Variants in OTC observed in about 807,000 individuals in gnomAD.
OTC encodes ornithine transcarbamylase, mitochondrial.
OTC carries 3 observed loss-of-function variants against 30.3 expected under a neutral mutation model. The ratio of observed to expected loss-of-function variants is 0.10; its 90% confidence interval spans 0.05 to 0.26. OTC has a LOEUF of 0.26. Among genes scored for constraint, OTC ranks in the 10% least tolerant of loss-of-function variants. OTC has a pLI of 1.00. For synonymous variants in OTC, 111 were observed against 99.7 expected (o/e 1.11, Z -0.67); for missense variants, 194 against 260.3 (o/e 0.75, Z 1.75).
chrX:38,333,810 G>A, the OTC span, among the ~76,000 whole-genome samples: 1 of 112,637 alleles, frequency 8.9e-6, no homozygotes, highest in Non-Finnish European at 1.9e-5. Flanking sequence ...TATGGAATCA[G>A]ATAAACAGGT....
At chrX:38,405,622 T>G (rs1300187452) in intron 6 of OTC, among the ~76,000 whole-genome samples, 1 of 111,474 alleles carries the variant, frequency 9.0e-6, no homozygotes, top group Non-Finnish European at 1.9e-5. Flanking sequence ...AGAACACTAT[T>G]CAACCAAGTA....
chrX:38,376,691 T>C (rs2068349819), intron 3 of OTC, among the ~76,000 whole-genome samples: 1 of 112,043 alleles, frequency 8.9e-6, no homozygotes, highest in African/African-American at 3.2e-5. Flanking sequence ...GGAGTAGCTA[T>C]ACTTATATCA....
intron 4 of OTC, among the ~76,000 whole-genome samples, chrX:38,382,182 C>T (rs1006855329): frequency 9.0e-6 from 1 of 111,614 alleles, no homozygotes; most frequent in African/African-American, 3.3e-5. Context: ...ACTTATATTT[C>T]ATTAGGAAGT....
At chrX:38,416,722 T>C (rs1288504351) in intron 9 of OTC, among the ~76,000 whole-genome samples, 2 of 112,401 alleles carry the variant, frequency 1.8e-5, no homozygotes, top group Non-Finnish European at 3.8e-5. Flanking sequence ...GTAAAATATA[T>C]ATTTGTTGTT....
At chrX:38,417,231 A>G (rs892170637) in intron 9 of OTC, among the ~76,000 whole-genome samples, 8 of 111,833 alleles carry the variant, frequency 7.2e-5, no homozygotes, top group African/African-American at 2.3e-4. Flanking sequence ...ATATGGACTC[A>G]ATACATTTTT....
At chrX:38,416,122 G>A (rs1303104686) in intron 9 of OTC, among the ~76,000 whole-genome samples, 1 of 112,047 alleles carries the variant, frequency 8.9e-6, no homozygotes, top group East Asian at 2.8e-4. Flanking sequence ...GTTCTGAGAT[G>A]CCTGTAATGA....
chrX:38,342,366 C>T, the OTC span, among the ~76,000 whole-genome samples: 1 of 110,717 alleles, frequency 9.0e-6, no homozygotes. Context: ...GAAAGAAAGA[C>T]GGACACCTCA....
At position 38,401,474 on chromosome X, in the gene OTC, C is replaced by T. The variant is rs1364087110; in HGVS notation, c.540+46C>T. 6.8e-6 allele frequency: 7 copies of T among 1,027,198 alleles called. No homozygotes were observed. In the Admixed American group the frequency reaches 1.5e-4, roughly 23 times the overall value. The allele number at this position is 1,027,198 out of a possible 1,213,427, so 84.7% of individuals were successfully genotyped here. On this transcript the variant is annotated intron_variant, in intron 5 of 9. Transcript: ENST00000039007. ...TACAAAAGAGCAAAATCAAATAATTCCTGACTTGCTTTAAGTGAAACAGTT... is the reference window on the plus strand; with the variant it reads ...TACAAAAGAGCAAAATCAAATAATTTCTGACTTGCTTTAAGTGAAACAGTT...
chrX:38,407,566 G>T (rs1316147844), intron 6 of OTC, among the ~76,000 whole-genome samples: 1 of 111,577 alleles, frequency 9.0e-6, no homozygotes, highest in Non-Finnish European at 1.9e-5. Flanking sequence ...GGTCTTGGAG[G>T]TGAGGCTGGG....
At chrX:38,399,378 T>C (rs1240920450) in intron 4 of OTC, among the ~76,000 whole-genome samples, 1 of 111,134 alleles carries the variant, frequency 9.0e-6, no homozygotes, top group African/African-American at 3.3e-5. Flanking sequence ...TAATGATCCC[T>C]AGGTCCCACT....
rs2068355962 is a variant in OTC, at chrX:38,377,773, TC to T, written c.299-3568del. Among the ~76,000 whole-genome samples, 3 of 111,810 alleles carry T rather than the reference TC, an allele frequency of 2.7e-5. No homozygotes were observed. The Admixed American group carries it at 2.8e-4, about 11-fold the overall frequency. ...CAGACAAAAGTCAAAGTTGTTGCCTTCTCCCCAGCTTCCTTCTGCAGCCTCA... is the reference window on the plus strand; with the variant it reads ...CAGACAAAAGTCAAAGTTGTTGCCTTTCCCCAGCTTCCTTCTGCAGCCTCA... On this transcript the variant is annotated intron_variant, in intron 3 of 9. Transcript: ENST00000039007.
intron 9 of OTC, among the ~76,000 whole-genome samples, chrX:38,415,025 C>T (rs58012155): frequency 3.6e-5 from 4 of 110,349 alleles, no homozygotes; most frequent in Non-Finnish European, 5.7e-5. Flanking sequence ...ACCTTAGAGA[C>T]TATCCACGCT....
At chrX:38,331,632 A>G in the OTC span, among the ~76,000 whole-genome samples, 2 of 96,211 alleles carry the variant, frequency 2.1e-5, no homozygotes, top group African/African-American at 7.7e-5. Flanking sequence ...ACCCAGGCTG[A>G]AGTGCAGTGG....
chrX:38,409,673 G>A (rs1279691852), intron 8 of OTC, among the ~76,000 whole-genome samples: 1 of 112,352 alleles, frequency 8.9e-6, no homozygotes, highest in Admixed American at 9.4e-5. Context: ...TGCCTCCAGG[G>A]CCACACTTTG....
At chrX:38,347,675 G>GCT (rs1178367479), upstream of OTC, among the ~76,000 whole-genome samples, 5 of 111,716 alleles carry the variant, frequency 4.5e-5, no homozygotes, top group Non-Finnish European at 9.4e-5. Flanking sequence ...TTTGATAATA[G>GCT]CTATCTATGC....
intron 1 of OTC, among the ~76,000 whole-genome samples, chrX:38,361,504 A>G (rs2068271570): frequency 8.9e-6 from 1 of 111,925 alleles, no homozygotes; most frequent in African/African-American, 3.3e-5. Context: ...AAGATGTCCC[A>G]GGGGAAGTAA....
intron 1 of OTC, among the ~76,000 whole-genome samples, chrX:38,354,381 G>A (rs2068230691): frequency 8.9e-6 from 1 of 111,869 alleles, no homozygotes; most frequent in South Asian, 3.7e-4. Context: ...CTTTTAACAA[G>A]GAATCATCAC....
the OTC span, among the ~76,000 whole-genome samples, chrX:38,332,870 A>G: frequency 9.0e-6 from 1 of 111,274 alleles, no homozygotes; most frequent in African/African-American, 3.3e-5. Context: ...CATCATATAC[A>G]ACACATGACC....
the OTC span, among the ~76,000 whole-genome samples, chrX:38,344,340 A>G: frequency 1.2e-4 from 13 of 110,643 alleles, no homozygotes; most frequent in African/African-American, 4.3e-4. Flanking sequence ...ATTCTAATTT[A>G]TTTCTTATTG....
Sources: allele counts gnomAD v4.1 joint callset (sites outside exome capture counted in the v4.1 genomes callset), GRCh38; gene constraint gnomAD v4.1.1; transcripts MANE v1.5; gene names NCBI Gene and HGNC (gene_info 2026-07-23, HGNC 2026-07-21).